The following DOP1B variants were observed in gnomAD, a reference collection of about 807,000 sequenced individuals.
The protein encoded by DOP1B is protein DOP1B.
In DOP1B, 174 loss-of-function variants were observed where a neutral mutation model predicts 233.5. That is an observed-to-expected ratio of 0.75 (90% confidence interval 0.66 to 0.85). The LOEUF (loss-of-function observed/expected upper bound fraction) is 0.85. Among genes scored for constraint, DOP1B ranks in the 40% least tolerant of loss-of-function variants. DOP1B has a pLI of 0.00. For synonymous variants in DOP1B, 1,190 were observed against 1,185.6 expected, an observed-to-expected ratio of 1.00 and a Z score of -0.08; for missense variants, 2,652 against 2,846.6, an observed-to-expected ratio of 0.93 and a Z score of 1.56.
chr21:36,254,251 G>A (rs1302330180), intron 23 of DOP1B, among the ~76,000 whole-genome samples: 1 of 152,154 alleles, frequency 6.6e-6, no homozygotes, highest in Admixed American at 6.6e-5. Flanking sequence ...CAAGGAGCTC[G>A]CAGCCATAAA....
rs372753332 is a variant in DOP1B, at chr21:36,245,866, G to A, written c.3886G>A (p.Gly1296Arg). 175 of 1,613,614 alleles carry A rather than the reference G, an allele frequency of 1.1e-4. No individual in the cohort carries two copies. The highest frequency in any genetic ancestry group is 1.4e-4 in the Non-Finnish European group (171 of 1,179,994). ...GGCCCTCATTGGCCAGAGTTTCTACGGAAAGCTCCAGACCCAGGTCCCCAA... is the reference window on the plus strand; with the variant it reads ...GGCCCTCATTGGCCAGAGTTTCTACAGAAAGCTCCAGACCCAGGTCCCCAA... ...QEALIGQSFY[G>R]KLQTQVPNVC... The change falls in exon 19 of 37, where the codon GGA becomes AGA. Residue 1296 changes from glycine (G) to arginine (R), a missense_variant. Transcript: ENST00000691173. This position sits in a 1 kb window ranked among gnomAD's most constrained non-coding sequence, Gnocchi z 5.5.
chr21:36,264,814 T>A (rs1369901237), intron 26 of DOP1B, among the ~76,000 whole-genome samples: 1 of 152,108 alleles, frequency 6.6e-6, no homozygotes, highest in Non-Finnish European at 1.5e-5. Context: ...TATCCCCCAT[T>A]ATAACAGTAA....
chr21:36,261,645 C>A (rs963252909), intron 24 of DOP1B: 2 of 985,240 alleles, frequency 2.0e-6, no homozygotes, highest in Non-Finnish European at 1.2e-6. Flanking sequence ...GGTGGCTCAA[C>A]GCCTGTAATC....
In DOP1B at chr21:36,288,002, T is replaced by G. The variant is rs1027932837; in HGVS notation, c.6161-12T>G. The G allele has an allele frequency of 1.5e-5, 24 of 1,609,570 alleles. No individual in the cohort carries two copies. Among genetic ancestry groups the G allele is most frequent in the Non-Finnish European group, 2.0e-5 (23 of 1,179,038 alleles). On this transcript the variant is annotated splice_polypyrimidine_tract_variant and intron_variant, in intron 32 of 36. Transcript: ENST00000691173. Reference sequence around the variant, plus strand: ...ATATTTGTGTAACATCTTTACAATCTTCTTTCCTTAGAACGCCTGACAGAC... The same window carrying G: ...ATATTTGTGTAACATCTTTACAATCGTCTTTCCTTAGAACGCCTGACAGAC...
intron 17 of DOP1B, 57 bp downstream of exon 17, chr21:36,238,758 G>A: frequency 6.4e-7 from 1 of 1,556,504 alleles, no homozygotes; most frequent in Non-Finnish European, 8.9e-7. Context: ...CCACAGAGGT[G>A]CCTGCCCAAC....
chr21:36,253,951 G>A (rs1307318031), intron 23 of DOP1B, 42 bp downstream of exon 23: 2 of 1,597,114 alleles, frequency 1.3e-6, no homozygotes, highest in East Asian at 2.2e-5. Flanking sequence ...GCAGATTAGT[G>A]GGTGGCATTT....
chr21:36,256,253 C>A (rs1337854537), intron 23 of DOP1B, among the ~76,000 whole-genome samples: 2 of 151,946 alleles, frequency 1.3e-5, no homozygotes, highest in Non-Finnish European at 2.9e-5. Flanking sequence ...CCAGCCTGGG[C>A]AATGTAGGGA....
chr21:36,292,144 C>T lies in DOP1B; in HGVS notation c.6556C>T (p.Pro2186Ser). 6.2e-7 allele frequency: 1 copy of T among 1,611,806 alleles called. No homozygotes were observed. The highest frequency in any genetic ancestry group is 8.5e-7 in the Non-Finnish European group (1 of 1,179,162). ...TATTCCAGAAGTGGACACAGAGGGC[C>T]CTGCCTTCCTGTCGGATGTAGAGGA... ...AFIPEVDTEG[P>S]AFLSDVEENH... Residue 2186 changes from proline to serine, a missense_variant, in exon 36 of 37, where the codon CCT becomes TCT. Around this residue, in one of 3 missense-constraint regions of DOP1B, gnomAD observed 2,617 missense variants for 2,794.3 expected, o/e 0.94. Transcript: ENST00000691173.
intron 11 of DOP1B, among the ~76,000 whole-genome samples, chr21:36,225,123 A>G (rs2066667339): frequency 6.6e-6 from 1 of 152,342 alleles, no homozygotes; most frequent in African/African-American, 2.4e-5. Context: ...TTAGTCACCA[A>G]AATTTAGTTA....
chr21:36,198,310 T>G (rs896932876), intron 2 of DOP1B, among the ~76,000 whole-genome samples: 1 of 151,644 alleles, frequency 6.6e-6, no homozygotes, highest in African/African-American at 2.4e-5. Context: ...GCACCTGTAG[T>G]CCCAGCTACT....
chr21:36,237,263 G>A lies in DOP1B; in HGVS notation c.2624G>A (p.Arg875Lys), dbSNP rs762289200. The A allele has an allele frequency of 6.2e-7, 1 of 1,614,156 alleles. No homozygotes were observed. Among genetic ancestry groups the A allele is most frequent in the East Asian group, 2.2e-5 (1 of 44,874 alleles). The stretch of plus-strand genomic sequence containing the variant: ...CCGCCTGCCTTTTCCTTGTCCCAGA[G>A]GGTGGCTCGTGTGCTTTGGAATCAG... The part of the protein sequence containing the change: ...VIAEKTDFYQ[R>K]VARVLWNQLN... Residue 875 changes from arginine (R) to lysine (K), a missense_variant and splice_region_variant, in exon 16 of 37, where the codon AGG (arginine) becomes AAG (lysine). Arg to Lys is a conservative substitution (Grantham distance 26). Transcript: ENST00000691173.
chr21:36,280,701 T>A (rs1033330498), intron 31 of DOP1B, among the ~76,000 whole-genome samples: 4 of 152,132 alleles, frequency 2.6e-5, no homozygotes, highest in Non-Finnish European at 5.9e-5. Context: ...TCATTAAGTA[T>A]CATTAAAGAA....
intron 2 of DOP1B, among the ~76,000 whole-genome samples, chr21:36,166,064 A>G (rs185483972): frequency 3.3e-5 from 5 of 151,892 alleles, no homozygotes; most frequent in East Asian, 2.0e-4. Flanking sequence ...AGGTGGTACA[A>G]CAGCAGATCT....
intron 2 of DOP1B, among the ~76,000 whole-genome samples, chr21:36,184,291 C>G (rs1025436969): frequency 6.6e-6 from 1 of 152,136 alleles, no homozygotes; most frequent in Admixed American, 6.5e-5. Context: ...TCAGGTGATC[C>G]ACCTGCCTTG....
At chr21:36,172,176 T>C (rs1414577991) in intron 2 of DOP1B, among the ~76,000 whole-genome samples, 1 of 152,032 alleles carries the variant, frequency 6.6e-6, no homozygotes, top group Admixed American at 6.6e-5. Flanking sequence ...AGGCCACTGA[T>C]AGGATTTTGC....
At chr21:36,278,157 T>C (rs2067374957) in intron 29 of DOP1B, 52 bp from the exon 30 acceptor site, 2 of 1,613,698 alleles carry the variant, frequency 1.2e-6, no homozygotes, top group South Asian at 1.1e-5. Context: ...TCAAGTAGTT[T>C]TCCTTGGACA....
At chr21:36,188,763 A>G (rs2066195823) in intron 2 of DOP1B, among the ~76,000 whole-genome samples, 2 of 152,232 alleles carry the variant, frequency 1.3e-5, no homozygotes, top group African/African-American at 2.4e-5. Context: ...GACATCTGGC[A>G]TTCTGAAGTC....
chr21:36,216,329 G>A (rs955471217), intron 9 of DOP1B, among the ~76,000 whole-genome samples: 6 of 141,742 alleles, frequency 4.2e-5, no homozygotes, highest in Admixed American at 7.2e-5. Flanking sequence ...AGAAATTTGC[G>A]GCCAGGTGTG....
At chr21:36,222,160 C>G (rs1441796405) in intron 10 of DOP1B, among the ~76,000 whole-genome samples, 1 of 151,640 alleles carries the variant, frequency 6.6e-6, no homozygotes, top group South Asian at 2.1e-4. Flanking sequence ...GTGTGAACTA[C>G]CACACCCGGC....
Sources: gnomAD v4.1 joint callset for allele counts (sites outside exome capture counted in the v4.1 genomes callset) on GRCh38, gnomAD v4.1.1 for gene constraint, gnomAD v4.1.1 regional missense constraint, Gnocchi (gnomAD v3.1) non-coding constraint, MANE v1.5 for transcripts, NCBI Gene and HGNC (gene_info 2026-07-23, HGNC 2026-07-21) for gene names.